The following PPP6R3 variants were observed in gnomAD, a reference collection of about 807,000 sequenced individuals.
PPP6R3 encodes protein phosphatase 6 regulatory subunit 3, also known as serine/threonine-protein phosphatase 6 regulatory subunit 3.
PPP6R3 carries 38 observed loss-of-function variants against 110.7 expected under a neutral mutation model. That is an observed-to-expected ratio of 0.34 (90% CI 0.26 to 0.45). The LOEUF (loss-of-function observed/expected upper bound fraction) is 0.45, where lower values mean the gene tolerates loss of function less well. Among genes scored for constraint, PPP6R3 ranks in the 20% least tolerant of loss-of-function variants. The pLI, the probability that PPP6R3 is intolerant of heterozygous loss-of-function variation, is 1.00. For missense variants in PPP6R3, 870 were observed against 1,062.4 expected (o/e 0.82, Z 2.52); for synonymous variants, 369 against 373.5 (o/e 0.99, Z 0.14).
intron 1 of PPP6R3, among the ~76,000 whole-genome samples, chr11:68,478,647 G>GTTTTTCTTTTTTTTTTTTTTTT (rs2098860647): frequency 2.0e-5 from 1 of 50,506 alleles, no homozygotes. Flanking sequence ...CACTTGGTAA[G>GTTTTTCTTTTTTTTTTTTTTTT]TTTTTTTTTT....
At chr11:68,558,430 T>C (rs952701679) in intron 7 of PPP6R3, 136 bp from the exon 8 acceptor site, 1 of 563,986 alleles carries the variant, frequency 1.8e-6, no homozygotes, top group Non-Finnish European at 3.1e-6. Context: ...AATAAGTATA[T>C]AGAAATAAAA....
intron 1 of PPP6R3, among the ~76,000 whole-genome samples, chr11:68,499,929 C>G (rs896960093): frequency 1.3e-5 from 2 of 152,088 alleles, no homozygotes; most frequent in Admixed American, 6.5e-5. Flanking sequence ...ACAGGCATCT[C>G]TTGTCAGATG....
At chr11:68,531,061 G>T (rs1350586933) in intron 2 of PPP6R3, among the ~76,000 whole-genome samples, 1 of 152,142 alleles carries the variant, frequency 6.6e-6, no homozygotes, top group African/African-American at 2.4e-5. Context: ...AACTTTTTCA[G>T]AGGTAGTTTC....
chr11:68,592,232 G>A (rs2099597683), intron 18 of PPP6R3, among the ~76,000 whole-genome samples: 1 of 151,746 alleles, frequency 6.6e-6, no homozygotes, highest in Non-Finnish European at 1.5e-5. Flanking sequence ...TGTTATATGA[G>A]CATTCATTGT....
At chr11:68,597,301 G>A (rs1336656255) in intron 19 of PPP6R3, among the ~76,000 whole-genome samples, 2 of 152,194 alleles carry the variant, frequency 1.3e-5, no homozygotes, top group East Asian at 1.9e-4. Context: ...GGATTTGCCC[G>A]TGCGAGAGAG....
At chr11:68,536,796 C>T (rs2099273218) in intron 2 of PPP6R3, among the ~76,000 whole-genome samples, 1 of 152,128 alleles carries the variant, frequency 6.6e-6, no homozygotes, top group South Asian at 2.1e-4. Context: ...TTTAGGAATT[C>T]TGCAGTGAGC....
At chr11:68,593,888 G>A (rs1376361543) in intron 18 of PPP6R3, among the ~76,000 whole-genome samples, 1 of 152,026 alleles carries the variant, frequency 6.6e-6, no homozygotes, top group South Asian at 2.1e-4. Context: ...GCATGGTGGC[G>A]TGTGCCTGCT....
chr11:68,511,228 G>A (rs958869647), intron 1 of PPP6R3, among the ~76,000 whole-genome samples: 4 of 151,362 alleles, frequency 2.6e-5, no homozygotes, highest in African/African-American at 9.7e-5. Context: ...CACCACGTCC[G>A]GCTAATTTTT....
In PPP6R3 at chr11:68,614,588, AC is replaced by A; in HGVS notation, c.*1472del. 6.7e-7 allele frequency: 1 copy of A among 1,503,482 alleles called. No homozygotes were observed. Among genetic ancestry groups the A allele is most frequent in the Non-Finnish European group, 8.8e-7 (1 of 1,135,050 alleles). 93.1% of individuals were successfully genotyped at this position (1,503,482 alleles called of 1,614,324 possible). On this transcript the variant is annotated 3_prime_UTR_variant, in exon 24 of 24. Coordinates refer to ENST00000393800, the MANE Select transcript of PPP6R3 (RefSeq NM_001164161.2). Reference sequence around the variant, plus strand: ...TTGCATATGGAAATAAAAGAATCAAACGTCTAATGCCTTATTATTTCTGATT... The same window carrying A: ...TTGCATATGGAAATAAAAGAATCAAAGTCTAATGCCTTATTATTTCTGATT...
At chr11:68,530,531 T>C (rs902472547) in intron 2 of PPP6R3, among the ~76,000 whole-genome samples, 1 of 152,238 alleles carries the variant, frequency 6.6e-6, no homozygotes, top group African/African-American at 2.4e-5. Flanking sequence ...AAATATCTTA[T>C]GTGTGTTTAT....
chr11:68,569,693 G>T, intron 10 of PPP6R3, 55 bp from the exon 11 acceptor site: 1 of 1,380,964 alleles, frequency 7.2e-7, no homozygotes. Flanking sequence ...ATGTATTTAA[G>T]TATTGGCTTA....
At chr11:68,548,351 A>G (rs764153600) in intron 5 of PPP6R3, 147 bp downstream of exon 5, 5 of 1,086,508 alleles carry the variant, frequency 4.6e-6, no homozygotes, top group Non-Finnish European at 6.5e-6. Context: ...TGGGGAAGAA[A>G]GGTTGTTCCA....
Position 68,596,180 on chromosome 11 carries a change from C to T in PPP6R3, c.2000C>T (p.Ala667Val). ...AKQDLFEPSSANTEDKMEVDL... is the reference protein window; with the variant it reads ...AKQDLFEPSSVNTEDKMEVDL... ...CAAGACTTGTTTGAACCCAGCAGTG[C>T]CAACACGGAGGATAAAATGGAGGTG... The change falls in exon 19 of 24, where the codon GCC (alanine) becomes GTC (valine). Residue 667 changes from alanine to valine, a missense_variant. Physicochemically the swap from Ala to Val is moderately conservative, Grantham distance 64 (BLOSUM62 0). Transcript: ENST00000393800. 1 of 1,614,174 alleles carries T rather than the reference C, an allele frequency of 6.2e-7. No individual in the cohort carries two copies. Among genetic ancestry groups the T allele is most frequent in the Non-Finnish European group, 8.5e-7 (1 of 1,180,028 alleles).
chr11:68,561,346 C>T (rs779035714), intron 8 of PPP6R3, among the ~76,000 whole-genome samples: 11 of 152,050 alleles, frequency 7.2e-5, no homozygotes, highest in East Asian at 1.9e-4. Flanking sequence ...ATGATCCTTC[C>T]GCCTCAGCCT....
chr11:68,466,548 C>T (rs965258763), intron 1 of PPP6R3, among the ~76,000 whole-genome samples: 2 of 151,546 alleles, frequency 1.3e-5, no homozygotes, highest in African/African-American at 4.9e-5. Flanking sequence ...ACGCCATTCT[C>T]CTGCCTCAGC....
At position 68,487,327 on chromosome 11, in the gene PPP6R3, C is replaced by T. The variant is rs370416287; in HGVS notation, c.-158+26500C>T. On this transcript the variant is annotated intron_variant, in intron 1 of 23. Coordinates refer to ENST00000393800, the MANE Select transcript of PPP6R3 (RefSeq NM_001164161.2). ...CAGCACTTTGGGAAGCTGAGGCGGGCGGATCCCTTGAGCCCAGGAGTATGA... is the reference window on the plus strand; with the variant it reads ...CAGCACTTTGGGAAGCTGAGGCGGGTGGATCCCTTGAGCCCAGGAGTATGA... 3.4e-3 allele frequency among the ~76,000 whole-genome samples: 514 copies of T among 151,486 alleles called. 6 individuals carry two copies. Among genetic ancestry groups the T allele is most frequent in the African/African-American group, 0.012 (488 of 41,268 alleles).
chr11:68,576,975 A>C (rs1370515766), intron 14 of PPP6R3, among the ~76,000 whole-genome samples: 2 of 152,196 alleles, frequency 1.3e-5, no homozygotes, highest in Non-Finnish European at 2.9e-5. Context: ...ATTGCCTAAA[A>C]ATATGGTCAT....
intron 6 of PPP6R3, among the ~76,000 whole-genome samples, chr11:68,553,481 TG>T (rs1185158976): frequency 6.6e-6 from 1 of 151,922 alleles, no homozygotes; most frequent in African/African-American, 2.4e-5. Flanking sequence ...TTAGTAGAGA[TG>T]GGGTTTCTCC....
At chr11:68,584,523 A>G (rs931888374) in intron 15 of PPP6R3, among the ~76,000 whole-genome samples, 2 of 152,220 alleles carry the variant, frequency 1.3e-5, no homozygotes, top group Admixed American at 6.5e-5. Flanking sequence ...CTTTAAGAAA[A>G]AGAACACCTT....
Sources: allele counts gnomAD v4.1 joint callset (sites outside exome capture counted in the v4.1 genomes callset), GRCh38; gene constraint gnomAD v4.1.1; transcripts MANE v1.5; gene names NCBI Gene and HGNC (gene_info 2026-07-23, HGNC 2026-07-21).